Variants in LRRC4C observed in about 807,000 individuals in gnomAD.
The protein encoded by LRRC4C is leucine-rich repeat-containing protein 4C.
LRRC4C carries 5 observed loss-of-function variants against 33.6 expected under a neutral mutation model. The ratio of observed to expected loss-of-function variants is 0.15; its 90% confidence interval spans 0.08 to 0.31. The LOEUF is 0.31. Among genes scored for constraint, LRRC4C ranks in the 10% least tolerant of loss-of-function variants. The pLI is 1.00. For missense variants in LRRC4C, 560 were observed against 796.7 expected (o/e 0.70, Z 3.58); for synonymous variants, 329 against 302.0 (o/e 1.09, Z -0.93).
chr11:40,781,503 C>T (rs544706573), intron 2 of LRRC4C, among the ~76,000 whole-genome samples: 9 of 152,218 alleles, frequency 5.9e-5, no homozygotes, highest in South Asian at 2.1e-4. Flanking sequence ...TAGCCTTTAT[C>T]GGAAGTTTTA....
chr11:41,201,465 A>T (rs1414531820), intron 1 of LRRC4C, among the ~76,000 whole-genome samples: 1 of 152,184 alleles, frequency 6.6e-6, no homozygotes, highest in Non-Finnish European at 1.5e-5. Context: ...CTTCTGTGGG[A>T]GCAAAGCTCA....
At chr11:40,806,803 AAAACAT>A (rs1380448916) in intron 2 of LRRC4C, among the ~76,000 whole-genome samples, 1 of 152,166 alleles carries the variant, frequency 6.6e-6, no homozygotes, top group Non-Finnish European at 1.5e-5. Context: ...GTATTTCTCA[AAAACAT>A]ACCACTATGC....
intron 5 of LRRC4C, among the ~76,000 whole-genome samples, chr11:40,205,541 G>C (rs1388555719): frequency 6.6e-6 from 1 of 151,984 alleles, no homozygotes; most frequent in Non-Finnish European, 1.5e-5. Flanking sequence ...CATAACATTA[G>C]TTTTATTTTA....
At chr11:40,538,999 T>C (rs1170952354) in intron 3 of LRRC4C, among the ~76,000 whole-genome samples, 1 of 152,184 alleles carries the variant, frequency 6.6e-6, no homozygotes, top group African/African-American at 2.4e-5. Flanking sequence ...GTTTTTTTCT[T>C]GTAAATTTGT....
intron 6 of LRRC4C, among the ~76,000 whole-genome samples, chr11:40,125,020 CA>C (rs1161862711): frequency 6.6e-6 from 1 of 151,856 alleles, no homozygotes; most frequent in African/African-American, 2.4e-5. Context: ...TAAAAATTCA[CA>C]AACATTCTTA....
rs538790388 is a variant in LRRC4C at position 40,688,648 on chromosome 11, C to T, written c.-406-40370G>A. 3.9e-5 allele frequency among the ~76,000 whole-genome samples: 6 copies of T among 152,070 alleles called. No homozygotes were observed. In the South Asian group the frequency reaches 1.0e-3, roughly 26 times the overall value. ...GCTCTGTGGACACCAAATGCTCCTA[C>T]GTCAGTGGAAAGGTCAGAGGGGTGA... On this transcript the variant is annotated intron_variant, in intron 2 of 6. Coordinates refer to ENST00000528697, the MANE Select transcript of LRRC4C (RefSeq NM_001258419.2).
At chr11:40,592,010 G>A (rs1051910001) in intron 3 of LRRC4C, among the ~76,000 whole-genome samples, 4 of 151,876 alleles carry the variant, frequency 2.6e-5, no homozygotes, top group African/African-American at 4.9e-5. Context: ...GTTTGGAGCT[G>A]CCCAATTCAT....
intron 1 of LRRC4C, among the ~76,000 whole-genome samples, chr11:41,083,853 G>A (rs917127584): frequency 1.2e-4 from 18 of 152,160 alleles, no homozygotes; most frequent in Non-Finnish European, 5.9e-5. Context: ...AAACACAATT[G>A]AGAGAAATAA....
intron 4 of LRRC4C, among the ~76,000 whole-genome samples, chr11:40,283,866 G>A (rs1384539552): frequency 5.9e-5 from 9 of 151,646 alleles, no homozygotes; most frequent in South Asian, 2.1e-4. Context: ...CACCACACCC[G>A]GTTCATTTTG....
chr11:40,315,235 C>G (rs1945517579), intron 4 of LRRC4C, among the ~76,000 whole-genome samples: 1 of 150,886 alleles, frequency 6.6e-6, no homozygotes, highest in Non-Finnish European at 1.5e-5. Context: ...ATTAAAAAAC[C>G]CAATATGGAT....
intron 2 of LRRC4C, among the ~76,000 whole-genome samples, chr11:40,822,204 A>T (rs575792901): frequency 6.6e-6 from 1 of 151,748 alleles, no homozygotes; most frequent in African/African-American, 2.4e-5. Context: ...CCTCCAAGAG[A>T]TTGACTTTTT....
chr11:40,957,836 G>A (rs1289536024), intron 1 of LRRC4C, among the ~76,000 whole-genome samples: 1 of 151,704 alleles, frequency 6.6e-6, no homozygotes, highest in Non-Finnish European at 1.5e-5. Context: ...GTAGTATTAA[G>A]GAGTAATTAA....
At chr11:40,420,703 C>T (rs927961439) in intron 3 of LRRC4C, among the ~76,000 whole-genome samples, 1 of 152,160 alleles carries the variant, frequency 6.6e-6, no homozygotes, top group African/African-American at 2.4e-5. Context: ...GGAGTGAGTA[C>T]TAACTTTATA....
intron 2 of LRRC4C, among the ~76,000 whole-genome samples, chr11:40,883,294 C>T (rs936841212): frequency 3.3e-5 from 5 of 151,988 alleles, no homozygotes; most frequent in Non-Finnish European, 5.9e-5. Flanking sequence ...ATGCCTGCCC[C>T]CCTATAGTCA....
intron 3 of LRRC4C, among the ~76,000 whole-genome samples, chr11:40,600,668 C>T (rs892523482): frequency 2.7e-4 from 41 of 152,060 alleles, no homozygotes; most frequent in Non-Finnish European, 4.7e-4. Flanking sequence ...TTCAAACTTC[C>T]AAAATAAGAG....
intron 1 of LRRC4C, among the ~76,000 whole-genome samples, chr11:41,353,823 T>C (rs1952065555): frequency 6.6e-6 from 1 of 152,048 alleles, no homozygotes; most frequent in Admixed American, 6.6e-5. Context: ...TCAACATCCC[T>C]TCATGTTAAA....
intron 2 of LRRC4C, among the ~76,000 whole-genome samples, chr11:40,890,397 T>C (rs1463510681): frequency 6.6e-6 from 1 of 152,140 alleles, no homozygotes; most frequent in African/African-American, 2.4e-5. Flanking sequence ...AACTCTGTCA[T>C]GATTATAAAC....
rs566824920 is a variant in LRRC4C at position 41,081,587 on chromosome 11, T to G, written c.-495-147864A>C. ...GTTTCGGTTTAGCTTATTATCCACC[T>G]ATTGCAGGGAGACCTTATGTTAAAA... On this transcript the variant is annotated intron_variant, in intron 1 of 6. Transcript: ENST00000528697. Among the ~76,000 whole-genome samples, 19 of 152,260 alleles carry G rather than the reference T, an allele frequency of 1.2e-4. No individual in the cohort carries two copies. The South Asian group carries it at 3.7e-3, about 30-fold the overall frequency.
At chr11:41,385,176 C>T (rs972685090) in intron 1 of LRRC4C, among the ~76,000 whole-genome samples, 4 of 151,100 alleles carry the variant, frequency 2.6e-5, no homozygotes, top group East Asian at 2.0e-4. Context: ...GAGATTCTCT[C>T]GACCCTCTGT....
Sources: allele counts gnomAD v4.1 joint callset (sites outside exome capture counted in the v4.1 genomes callset), GRCh38; gene constraint gnomAD v4.1.1; transcripts MANE v1.5; gene names NCBI Gene and HGNC (gene_info 2026-07-23, HGNC 2026-07-21).